Variants in TATDN1 observed in about 807,000 individuals in gnomAD.
The protein encoded by TATDN1 is TatD DNase domain containing 1.
Under a neutral mutation model 46.4 loss-of-function variants are expected in TATDN1, and 40 were observed. The observed-to-expected ratio is 0.86, with a 90% CI of 0.67 to 1.12. TATDN1 has a LOEUF of 1.12. TATDN1 is among the 50% of genes most tolerant of loss of function. The probability of loss-of-function intolerance (pLI) is 0.00; values close to 1 mark genes in which losing one functional copy is unlikely to be tolerated. For synonymous variants in TATDN1, 95 were observed against 105.6 expected (o/e 0.90, Z 0.62); for missense variants, 326 against 348.4 (o/e 0.94, Z 0.51).
chr8:124,488,732 C>T (rs1257535937), intron 11 of TATDN1, 36 bp from the exon 12 acceptor site: 1 of 1,195,134 alleles, frequency 8.4e-7, no homozygotes, highest in East Asian at 2.3e-5. Flanking sequence ...GTTAAATCTC[C>T]AAGTATACAT....
intron 11 of TATDN1, among the ~76,000 whole-genome samples, chr8:124,492,887 T>C (rs1817145933): frequency 6.6e-6 from 1 of 152,186 alleles, no homozygotes; most frequent in South Asian, 2.1e-4. Flanking sequence ...TGAGCTGATC[T>C]TGAACTCCTG....
intron 1 of TATDN1, among the ~76,000 whole-genome samples, chr8:124,530,345 T>C (rs984965704): frequency 6.6e-6 from 1 of 152,202 alleles, no homozygotes; most frequent in Admixed American, 6.5e-5. Flanking sequence ...TCAAGGAAGT[T>C]GTTGGCAAAT....
intron 1 of TATDN1, among the ~76,000 whole-genome samples, chr8:124,528,070 G>T (rs1163370054): frequency 6.6e-6 from 1 of 152,168 alleles, no homozygotes; most frequent in Non-Finnish European, 1.5e-5. Context: ...CAGTTTGAAA[G>T]GGATTTCCCA....
At chr8:124,507,319 A>G (rs1818549606) in intron 8 of TATDN1, among the ~76,000 whole-genome samples, 1 of 152,244 alleles carries the variant, frequency 6.6e-6, no homozygotes, top group Non-Finnish European at 1.5e-5. Flanking sequence ...CTAGATCAGA[A>G]TAGTAGGTGA....
chr8:124,521,470 C>T (rs1820038157), intron 3 of TATDN1, among the ~76,000 whole-genome samples: 1 of 152,156 alleles, frequency 6.6e-6, no homozygotes, highest in South Asian at 2.1e-4. Context: ...TTTATCTTTT[C>T]ATATTATTTG....
chr8:124,513,063 C>T (rs910030990), intron 6 of TATDN1, among the ~76,000 whole-genome samples: 7 of 151,952 alleles, frequency 4.6e-5, no homozygotes, highest in African/African-American at 9.7e-5. Context: ...TACAGGTGCT[C>T]GCCACCACGC....
chr8:124,516,436 G>A (rs1280734519), intron 4 of TATDN1, among the ~76,000 whole-genome samples: 1 of 151,732 alleles, frequency 6.6e-6, no homozygotes, highest in Admixed American at 6.6e-5. Context: ...CCACGTAACT[G>A]GGGCTACATA....
chr8:124,503,428 TC>T (rs1239064277), intron 9 of TATDN1, among the ~76,000 whole-genome samples: 4 of 152,182 alleles, frequency 2.6e-5, no homozygotes, highest in African/African-American at 7.2e-5. Flanking sequence ...ATGCATATAT[TC>T]CCTTGCATAT....
rs766907269 is a variant in TATDN1, at chr8:124,508,647, A to G, written c.431T>C (p.Leu144Ser). Reference protein sequence around the residue: ...KQFELSEQTKLPMFLHCRNSH... With the variant: ...KQFELSEQTKSPMFLHCRNSH... ...GTTTCGACAATGAAGAAACATTGGTAATTTTGTTTGTTCTGACAGTTCAAA... is the reference window on the plus strand; with the variant it reads ...GTTTCGACAATGAAGAAACATTGGTGATTTTGTTTGTTCTGACAGTTCAAA... Residue 144 changes from leucine to serine, a missense_variant, in exon 7 of 12, where the codon TTA (leucine) becomes TCA (serine). Physicochemically the swap from Leu to Ser is moderately radical, Grantham distance 145. Coordinates refer to ENST00000276692, the MANE Select transcript of TATDN1 (RefSeq NM_032026.4). The G allele has an allele frequency of 6.3e-7, 1 of 1,599,372 alleles. No individual in the cohort carries two copies. The highest frequency in any genetic ancestry group is 2.2e-5 in the East Asian group (1 of 44,632).
At chr8:124,489,378 CCTTTCCTTTCTTTTT>C (rs1169164953) in intron 11 of TATDN1, 12 of 151,738 alleles carry the variant, frequency 7.9e-5, no homozygotes, top group East Asian at 3.9e-4. Context: ...TCCCTCCCTT[CCTTTCCTTTCTTTTT>C]CTTTCCTTTC....
intron 9 of TATDN1, among the ~76,000 whole-genome samples, chr8:124,502,407 G>C (rs1233382286): frequency 6.6e-6 from 1 of 151,898 alleles, no homozygotes; most frequent in Non-Finnish European, 1.5e-5. Flanking sequence ...CTTGTAAGAG[G>C]AAGAGCAGAA....
Position 124,493,946 on chromosome 8 carries a change from A to C in TATDN1, c.678T>G (p.Cys226Trp), listed in dbSNP as rs144569021. The change falls in exon 11 of 12, where the codon TGT becomes TGG. Residue 226 changes from cysteine to tryptophan, a missense_variant. Coordinates refer to ENST00000276692, the MANE Select transcript of TATDN1 (RefSeq NM_032026.4). ...KLMIETDAPW[C>W]GVKSTHAGSK... ...ATCCAGCATGTGTACTTTTGACTCC[A>C]CACCAAGGTGCATCTAGTTAAGCAA... The C allele has an allele frequency of 1.4e-5, 22 of 1,608,424 alleles. No homozygotes were observed. Among genetic ancestry groups the C allele is most frequent in the Non-Finnish European group, 1.9e-5 (22 of 1,178,702 alleles).
chr8:124,516,106 T>C (rs1264352464), intron 4 of TATDN1, 76 bp from the exon 5 acceptor site: 3 of 1,265,136 alleles, frequency 2.4e-6, no homozygotes, highest in Non-Finnish European at 3.1e-6. Context: ...ATTTAGAGGA[T>C]ATCAAGTAAT....
At chr8:124,530,916 C>T (rs1315611181) in intron 1 of TATDN1, among the ~76,000 whole-genome samples, 2 of 152,104 alleles carry the variant, frequency 1.3e-5, no homozygotes, top group African/African-American at 2.4e-5. Context: ...TAGAGACTGG[C>T]ACCAACTTCC....
At chr8:124,519,943 T>C (rs895654783) in intron 3 of TATDN1, among the ~76,000 whole-genome samples, 2 of 152,356 alleles carry the variant, frequency 1.3e-5, no homozygotes, top group South Asian at 2.1e-4. Flanking sequence ...ATGATGTATA[T>C]TTTTGTAAAG....
chr8:124,521,679 T>C (rs1304971353), intron 3 of TATDN1: 4 of 153,066 alleles, frequency 2.6e-5, no homozygotes, highest in Admixed American at 6.5e-5. Context: ...GAAATATCTA[T>C]TCATTTGCTT....
intron 1 of TATDN1, among the ~76,000 whole-genome samples, chr8:124,532,968 C>T (rs562939916): frequency 2.0e-5 from 3 of 152,250 alleles, no homozygotes; most frequent in South Asian, 2.1e-4. Context: ...AAAGGCAAAA[C>T]GGGGCCAGGT....
chr8:124,488,680 T>C lies in TATDN1; in HGVS notation c.808A>G (p.Met270Val). The C allele has an allele frequency of 6.2e-7, 1 of 1,601,706 alleles. No homozygotes were observed. Among genetic ancestry groups the C allele is most frequent in the South Asian group, 1.1e-5 (1 of 90,512 alleles). ...GGATCCTCATCTCTCACTGCTGACATTATCTCCAATATTTGACTAAAACAA... is the reference window on the plus strand; with the variant it reads ...GGATCCTCATCTCTCACTGCTGACACTATCTCCAATATTTGACTAAAACAA... ...PCHIIQILEI[M>V]SAVRDEDPLE... Residue 270 changes from methionine (M) to valine (V), a missense_variant, in exon 12 of 12, where the codon ATG becomes GTG. Physicochemically the swap from Met to Val is conservative, Grantham distance 21 (BLOSUM62 1). Coordinates refer to ENST00000276692, the MANE Select transcript of TATDN1 (RefSeq NM_032026.4).
At chr8:124,531,326 G>A (rs911106211) in intron 1 of TATDN1, among the ~76,000 whole-genome samples, 4 of 152,152 alleles carry the variant, frequency 2.6e-5, no homozygotes, top group African/African-American at 9.7e-5. Flanking sequence ...ATGCTAATGG[G>A]AGAGCTTTAG....
Sources: gnomAD v4.1 joint callset for allele counts (sites outside exome capture counted in the v4.1 genomes callset) on GRCh38, gnomAD v4.1.1 for gene constraint, MANE v1.5 for transcripts, NCBI Gene and HGNC (gene_info 2026-07-23, HGNC 2026-07-21) for gene names.